The following PARD3B variants were observed in gnomAD, a reference collection of about 807,000 sequenced individuals.
PARD3B encodes the protein partitioning defective 3 homolog B.
Under a neutral mutation model 130.2 loss-of-function variants are expected in PARD3B, and 103 were observed. The ratio of observed to expected loss-of-function variants is 0.79; its 90% CI spans 0.67 to 0.93. The LOEUF (loss-of-function observed/expected upper bound fraction) is 0.93, where lower values mean the gene tolerates loss of function less well. Among genes scored for constraint, PARD3B ranks in the 40% least tolerant of loss-of-function variants. PARD3B has a pLI of 0.00. For synonymous variants in PARD3B, 583 were observed against 553.2 expected (o/e 1.05, Z -0.76); for missense variants, 1,609 against 1,499.2 (o/e 1.07, Z -1.21).
At chr2:205,518,423 A>G (rs1414296821) in intron 21 of PARD3B, among the ~76,000 whole-genome samples, 1 of 151,618 alleles carries the variant, frequency 6.6e-6, no homozygotes, top group Admixed American at 6.6e-5. Context: ...TCTGTTTTCT[A>G]TTTGCTTGGT....
chr2:204,631,330 A>G (rs1267690403), intron 1 of PARD3B, among the ~76,000 whole-genome samples: 1 of 150,944 alleles, frequency 6.6e-6, no homozygotes, highest in Non-Finnish European at 1.5e-5. Context: ...GCTCACTGCA[A>G]CCTCTGCCTC....
At chr2:205,124,282 C>T (rs201648065) in intron 8 of PARD3B, 45 bp from the exon 9 acceptor site, 506 of 1,403,000 alleles carry the variant, frequency 3.6e-4, no homozygotes, top group Non-Finnish European at 4.2e-4. Flanking sequence ...TATAATATTA[C>T]TCATGCTTAA....
In PARD3B at chr2:205,087,893, C is replaced by T. The variant is rs1286554061; in HGVS notation, c.505-16533C>T. Among the ~76,000 whole-genome samples the T allele has an allele frequency of 6.6e-5, 10 of 152,104 alleles. No individual in the cohort carries two copies. In the East Asian group the frequency reaches 1.2e-3, roughly 18 times the overall value. On this transcript the variant is annotated intron_variant, in intron 4 of 22. Transcript: ENST00000406610. ...GTGTTTTATCATTCCATGTGAATAT[C>T]GTGTGTTGATCGGAAGTCATACCAA...
At chr2:205,323,511 T>C (rs1040461880) in intron 18 of PARD3B, among the ~76,000 whole-genome samples, 2 of 152,188 alleles carry the variant, frequency 1.3e-5, no homozygotes, top group Non-Finnish European at 2.9e-5. Context: ...GAATCCATAA[T>C]GTTTTTCTAA....
intron 18 of PARD3B, among the ~76,000 whole-genome samples, chr2:205,380,791 T>C (rs2045358601): frequency 9.8e-6 from 1 of 101,726 alleles, no homozygotes; most frequent in Non-Finnish European, 1.7e-5. Context: ...GAATATACAT[T>C]ATATATAATA....
chr2:205,500,898 G>T (rs188692496), intron 21 of PARD3B, among the ~76,000 whole-genome samples: 1 of 152,112 alleles, frequency 6.6e-6, no homozygotes, highest in Non-Finnish European at 1.5e-5. Context: ...CTTCTACTGC[G>T]CCTTTTAGAG....
At chr2:205,185,317 T>C (rs1344129435) in intron 13 of PARD3B, among the ~76,000 whole-genome samples, 1 of 152,164 alleles carries the variant, frequency 6.6e-6, no homozygotes, top group Non-Finnish European at 1.5e-5. Context: ...TGGACAGATA[T>C]ACTATATCGT....
At chr2:204,587,290 G>C (rs1349229881) in intron 1 of PARD3B, among the ~76,000 whole-genome samples, 1 of 152,104 alleles carries the variant, frequency 6.6e-6, no homozygotes, top group Non-Finnish European at 1.5e-5. Context: ...ACTATTTTAT[G>C]GTGGTTAATT....
At chr2:205,607,831 TACAC>T (rs776583001) in intron 22 of PARD3B, among the ~76,000 whole-genome samples, 1,224 of 116,192 alleles carry the variant, frequency 0.011, 17 homozygotes, top group East Asian at 0.068. Context: ...CCAACACCCA[TACAC>T]ACACACACAC....
At chr2:204,564,133 A>G (rs2031523240) in intron 1 of PARD3B, among the ~76,000 whole-genome samples, 1 of 152,150 alleles carries the variant, frequency 6.6e-6, no homozygotes, top group Admixed American at 6.5e-5. Flanking sequence ...TTACATTGCT[A>G]TTCAGTCTGT....
intron 16 of PARD3B, among the ~76,000 whole-genome samples, chr2:205,256,365 C>T (rs1199080263): frequency 1.3e-5 from 2 of 152,134 alleles, no homozygotes; most frequent in Non-Finnish European, 2.9e-5. Context: ...ATACCAGGCT[C>T]TTTGCCAACT....
At chr2:204,972,580 A>T (rs1160520959) in intron 3 of PARD3B, among the ~76,000 whole-genome samples, 2 of 152,136 alleles carry the variant, frequency 1.3e-5, no homozygotes, top group Non-Finnish European at 1.5e-5. Context: ...AGTTGGTTGT[A>T]CTCAAATAAA....
chr2:204,765,543 A>G (rs900227951), intron 2 of PARD3B, among the ~76,000 whole-genome samples: 4 of 152,220 alleles, frequency 2.6e-5, no homozygotes, highest in African/African-American at 9.6e-5. Flanking sequence ...CTTTCTTCCA[A>G]ATAGTCTGAG....
At chr2:204,975,224 T>G (rs1204890662) in intron 3 of PARD3B, among the ~76,000 whole-genome samples, 1 of 152,022 alleles carries the variant, frequency 6.6e-6, no homozygotes, top group African/African-American at 2.4e-5. Context: ...GATGGGGAGG[T>G]TCAAGGTATT....
In PARD3B at chr2:204,577,363, A is replaced by G. The variant is rs536308263; in HGVS notation, c.120+31244A>G. On this transcript the variant is annotated intron_variant, in intron 1 of 22. Coordinates refer to ENST00000406610, the MANE Select transcript of PARD3B (RefSeq NM_001302769.2). ...TTTACTATTATCATTATTATTTTGT[A>G]GGTGGGTAAACTGAGTCTTAGAGGT... Among the ~76,000 whole-genome samples the G allele has an allele frequency of 5.9e-5, 9 of 152,352 alleles. No individual in the cohort carries two copies. In the East Asian group the frequency reaches 1.3e-3, roughly 23 times the overall value.
At chr2:205,509,615 G>T (rs2050514951) in intron 21 of PARD3B, among the ~76,000 whole-genome samples, 1 of 152,206 alleles carries the variant, frequency 6.6e-6, no homozygotes, top group South Asian at 2.1e-4. Flanking sequence ...AGGTTGTAGG[G>T]ATAGTGAAGG....
chr2:205,521,588 T>A (rs1305391014), intron 21 of PARD3B, among the ~76,000 whole-genome samples: 1 of 152,074 alleles, frequency 6.6e-6, no homozygotes, highest in Non-Finnish European at 1.5e-5. Flanking sequence ...AGAGTTCATA[T>A]GAATAGACTC....
chr2:204,693,039 C>T (rs1380416181), intron 2 of PARD3B, among the ~76,000 whole-genome samples: 4 of 152,020 alleles, frequency 2.6e-5, no homozygotes, highest in African/African-American at 9.7e-5. Context: ...TGGCTTCCTC[C>T]ATTGACATCC....
At chr2:205,170,504 G>T (rs192754412) in intron 11 of PARD3B, among the ~76,000 whole-genome samples, 3 of 152,156 alleles carry the variant, frequency 2.0e-5, no homozygotes, top group East Asian at 3.9e-4. Context: ...TTTCTTCCCC[G>T]AGTGGGTGTG....
Sources: gnomAD v4.1 joint callset for allele counts (sites outside exome capture counted in the v4.1 genomes callset) on GRCh38, gnomAD v4.1.1 for gene constraint, MANE v1.5 for transcripts, NCBI Gene and HGNC (gene_info 2026-07-23, HGNC 2026-07-21) for gene names.